Variants in KLF8 observed in about 807,000 individuals in gnomAD.
KLF8 encodes the protein Krueppel-like factor 8.
KLF8 carries 10 observed loss-of-function variants against 18.2 expected under a neutral mutation model. The ratio of observed to expected loss-of-function variants is 0.55; its 90% CI spans 0.34 to 0.93. The LOEUF (loss-of-function observed/expected upper bound fraction) is 0.93, where lower values mean the gene tolerates loss of function less well. KLF8 is among the 40% of genes least tolerant of loss of function. The pLI is 0.02. For missense variants in KLF8, 264 were observed against 277.9 expected, an observed-to-expected ratio of 0.95 and a Z score of 0.36; for synonymous variants, 109 against 97.3, an observed-to-expected ratio of 1.12 and a Z score of -0.71.
the KLF8 span, among the ~76,000 whole-genome samples, chrX:55,939,131 C>G: frequency 1.8e-5 from 2 of 111,607 alleles, no homozygotes; most frequent in Non-Finnish European, 3.8e-5. Flanking sequence ...GGAAGTAAAG[C>G]TCTCCTCAGC....
chrX:56,171,719 T>A, the KLF8 span, among the ~76,000 whole-genome samples: 3 of 111,910 alleles, frequency 2.7e-5, no homozygotes, highest in Non-Finnish European at 5.6e-5. Context: ...TTTTTATGGC[T>A]GCATAGTATT....
the KLF8 span, among the ~76,000 whole-genome samples, chrX:55,987,199 A>C: frequency 0.22 from 22,032 of 101,796 alleles, 2,269 homozygotes; most frequent in Middle Eastern, 0.43. Context: ...TTTTCATTTT[A>C]ATTTTATTTT....
At chrX:56,055,033 T>C in the KLF8 span, among the ~76,000 whole-genome samples, 1 of 111,996 alleles carries the variant, frequency 8.9e-6, no homozygotes, top group African/African-American at 3.2e-5. Context: ...TAATCGACCT[T>C]ACTACCCTGT....
the KLF8 span, among the ~76,000 whole-genome samples, chrX:56,106,945 G>C: frequency 8.9e-6 from 1 of 112,192 alleles, no homozygotes; most frequent in Admixed American, 9.4e-5. Flanking sequence ...CTTTCTGTTT[G>C]TTAGTTTTCT....
At chrX:55,976,354 T>C in the KLF8 span, among the ~76,000 whole-genome samples, 1 of 111,242 alleles carries the variant, frequency 9.0e-6, no homozygotes, top group Non-Finnish European at 1.9e-5. Flanking sequence ...TTCTTTTTAC[T>C]CAATATCGTC....
the KLF8 span, among the ~76,000 whole-genome samples, chrX:55,982,891 A>T: frequency 8.9e-5 from 10 of 112,158 alleles, no homozygotes; most frequent in African/African-American, 3.2e-4. Flanking sequence ...CTATTCATTC[A>T]TGTAAGGTAA....
the KLF8 span, among the ~76,000 whole-genome samples, chrX:56,225,245 GTGACCGTCCTT>G: frequency 9.0e-6 from 1 of 110,864 alleles, no homozygotes; most frequent in Non-Finnish European, 1.9e-5. Flanking sequence ...TAAATCTGGG[GTGACCGTCCTT>G]TGTTTCCATC....
chrX:56,078,382 T>A, the KLF8 span, among the ~76,000 whole-genome samples: 1 of 112,427 alleles, frequency 8.9e-6, no homozygotes, highest in Non-Finnish European at 1.9e-5. Flanking sequence ...AGGCCCTTTC[T>A]GCATCTATTG....
chrX:56,117,034 G>T, the KLF8 span, among the ~76,000 whole-genome samples: 1 of 110,463 alleles, frequency 9.1e-6, no homozygotes, highest in Admixed American at 9.7e-5. Flanking sequence ...CCAGCTGTTT[G>T]GGAGACTGAG....
chrX:55,992,275 A>G, the KLF8 span, among the ~76,000 whole-genome samples: 4 of 112,101 alleles, frequency 3.6e-5, no homozygotes, highest in Admixed American at 3.8e-4. Flanking sequence ...TTATTTTTGT[A>G]TGTGGGGAAA....
chrX:56,015,500 C>G, the KLF8 span, among the ~76,000 whole-genome samples: 2 of 112,396 alleles, frequency 1.8e-5, no homozygotes, highest in African/African-American at 6.5e-5. Flanking sequence ...TTTTGGCTTT[C>G]TGATTCTGTG....
At chrX:56,137,948 A>G in the KLF8 span, among the ~76,000 whole-genome samples, 1 of 106,228 alleles carries the variant, frequency 9.4e-6, no homozygotes, top group Non-Finnish European at 1.9e-5. Context: ...TAAGATTGGT[A>G]GACTGCTAGA....
At chrX:55,933,038 A>G in the KLF8 span, among the ~76,000 whole-genome samples, 112 of 111,834 alleles carry the variant, frequency 1.0e-3, 3 homozygotes, top group South Asian at 0.041. Flanking sequence ...TTAACTATTG[A>G]GATACTCAAA....
At chrX:56,093,108 A>G in the KLF8 span, among the ~76,000 whole-genome samples, 3 of 111,573 alleles carry the variant, frequency 2.7e-5, no homozygotes, top group Admixed American at 2.9e-4. Flanking sequence ...AGCAGAAAAA[A>G]GAGAAGAAAC....
chrX:56,179,398 C>T, the KLF8 span, among the ~76,000 whole-genome samples: 1 of 112,306 alleles, frequency 8.9e-6, no homozygotes, highest in Non-Finnish European at 1.9e-5. Flanking sequence ...TAGGCTGAGA[C>T]TATGGGTTTT....
the KLF8 span, among the ~76,000 whole-genome samples, chrX:56,150,194 G>A: frequency 9.0e-6 from 1 of 111,380 alleles, no homozygotes; most frequent in Non-Finnish European, 1.9e-5. Context: ...TCCTGACTTA[G>A]CTATGGGTGA....
At chrX:55,979,215 T>G in the KLF8 span, among the ~76,000 whole-genome samples, 9 of 111,854 alleles carry the variant, frequency 8.0e-5, no homozygotes, top group Non-Finnish European at 1.5e-4. Context: ...AAAAAATTCA[T>G]AAGTTTTAAA....
intron 2 of KLF8, among the ~76,000 whole-genome samples, chrX:56,250,529 T>C (rs1260713751): frequency 1.8e-5 from 2 of 111,994 alleles, no homozygotes; most frequent in Non-Finnish European, 3.8e-5. Flanking sequence ...ATCAAGGCTA[T>C]AAAGACAAGA....
chrX:56,164,691 T>C, the KLF8 span, among the ~76,000 whole-genome samples: 2 of 102,620 alleles, frequency 1.9e-5, no homozygotes, highest in Admixed American at 2.2e-4. Context: ...TTCTGTCTGC[T>C]CAGTATATTT....
Sources: allele counts gnomAD v4.1 joint callset (sites outside exome capture counted in the v4.1 genomes callset), GRCh38; gene constraint gnomAD v4.1.1; transcripts MANE v1.5; gene names NCBI Gene and HGNC (gene_info 2026-07-23, HGNC 2026-07-21).